The following ASCC1 variants were observed in gnomAD, a reference collection of about 807,000 sequenced individuals.
The protein encoded by ASCC1 is activating signal cointegrator 1 complex subunit 1.
ASCC1 carries 35 observed loss-of-function variants against 46.6 expected under a neutral mutation model. The ratio of observed to expected loss-of-function variants is 0.75; its 90% CI spans 0.57 to 0.99. The LOEUF (loss-of-function observed/expected upper bound fraction) is 0.99. Ranked by LOEUF, ASCC1 falls within the 50% of genes least tolerant of loss-of-function variation. The probability of loss-of-function intolerance (pLI) is 0.00; values close to 1 mark genes in which losing one functional copy is unlikely to be tolerated. For missense variants in ASCC1, 376 were observed against 428.7 expected (o/e 0.88, Z 1.09); for synonymous variants, 143 against 146.6 (o/e 0.98, Z 0.18).
rs984744675 is a variant in ASCC1, at chr10:72,133,371, T to G, written c.747-190A>C. The G allele has an allele frequency of 1.5e-5, 9 of 608,610 alleles. No homozygotes were observed. In the Admixed American group the frequency reaches 2.4e-4, roughly 16 times the overall value. The allele number at this position is 608,610 out of a possible 1,614,324, so 37.7% of individuals were successfully genotyped here. On this transcript the variant is annotated intron_variant, in intron 7 of 9. Coordinates refer to ENST00000672957, the MANE Select transcript of ASCC1 (RefSeq NM_001198800.3). ...TAAAGATCAGTCTTGTTTGTCTGCT[T>G]AACAGATAGTAGAAATAAATGATGG... is the stretch of plus-strand genomic sequence containing the variant.
intron 9 of ASCC1, among the ~76,000 whole-genome samples, chr10:72,100,243 T>C (rs1002870816): frequency 6.6e-6 from 1 of 151,176 alleles, no homozygotes. Context: ...TTTTTTTTTT[T>C]AGACGGACTC....
At chr10:72,134,393 C>CA (rs1845949417) in intron 7 of ASCC1, 1 of 152,222 alleles carries the variant, frequency 6.6e-6, no homozygotes, top group African/African-American at 2.4e-5. Context: ...GTGATTGTGC[C>CA]ACTGCACTCT....
intron 7 of ASCC1, among the ~76,000 whole-genome samples, chr10:72,152,200 T>G (rs1451466825): frequency 4.0e-5 from 6 of 151,008 alleles, no homozygotes; most frequent in East Asian, 1.9e-4. Flanking sequence ...TTTGTGTTTT[T>G]TTTTTGTATA....
intron 5 of ASCC1, among the ~76,000 whole-genome samples, chr10:72,188,175 G>C (rs1853802442): frequency 7.0e-6 from 1 of 142,378 alleles, no homozygotes; most frequent in Admixed American, 7.3e-5. Flanking sequence ...CTGGAGTGCA[G>C]TGGCATGATT....
chr10:72,102,415 GT>G, intron 9 of ASCC1: 1 of 1,549,314 alleles, frequency 6.5e-7, no homozygotes, highest in Non-Finnish European at 8.7e-7. Flanking sequence ...AGAGACACCT[GT>G]AGCACAGTTA....
intron 1 of ASCC1, among the ~76,000 whole-genome samples, chr10:72,215,141 G>A (rs1424961775): frequency 6.6e-6 from 1 of 152,328 alleles, no homozygotes; most frequent in South Asian, 2.1e-4. Flanking sequence ...GGTGGCTCAC[G>A]TCTGTAATCC....
intron 5 of ASCC1, among the ~76,000 whole-genome samples, chr10:72,172,792 ATATAT>A (rs1024482822): frequency 7.5e-6 from 1 of 133,262 alleles, no homozygotes; most frequent in Non-Finnish European, 1.6e-5. Flanking sequence ...ATTATATATT[ATATAT>A]TATATTTTTA....
intron 7 of ASCC1, among the ~76,000 whole-genome samples, chr10:72,149,437 CAAAAAAAAAAAAAAAA>C (rs11297879): frequency 1.9e-5 from 1 of 52,702 alleles, no homozygotes; most frequent in Non-Finnish European, 3.7e-5. Flanking sequence ...GACTCCGTCA[CAAAAAAAAAAAAAAAA>C]AAAAAAAAAA....
At chr10:72,187,765 C>T (rs548844373) in intron 5 of ASCC1, among the ~76,000 whole-genome samples, 98 of 131,864 alleles carry the variant, frequency 7.4e-4, no homozygotes, top group Non-Finnish European at 1.2e-3. Context: ...ATACAAAAAT[C>T]AACCAGGTGT....
chr10:72,192,403 C>T (rs1332079230), intron 5 of ASCC1, among the ~76,000 whole-genome samples: 1 of 146,290 alleles, frequency 6.8e-6, no homozygotes, highest in Non-Finnish European at 1.5e-5. Context: ...TGCAGTGAGC[C>T]AAGATCGAGC....
intron 6 of ASCC1, among the ~76,000 whole-genome samples, chr10:72,158,186 G>A (rs185188244): frequency 1.4e-4 from 22 of 152,322 alleles, no homozygotes; most frequent in Admixed American, 4.6e-4. Flanking sequence ...TGGTTTGCCC[G>A]ATAAACACTC....
chr10:72,171,658 C>A (rs1851101930), intron 5 of ASCC1, among the ~76,000 whole-genome samples: 2 of 152,200 alleles, frequency 1.3e-5, no homozygotes, highest in African/African-American at 4.8e-5. Flanking sequence ...CTCAAGTGAT[C>A]TGCCCACCTC....
rs777367368 is a variant in ASCC1 at position 72,138,584 on chromosome 10, T to TGATC, written c.747-5404_747-5403insGATC. On this transcript the variant is annotated intron_variant, in intron 7 of 9. Transcript: ENST00000672957. ...CTACAGGCAGCCTGTGCTGTTTCCT[T>TGATC]TTTCTTTCTTTCTTTCTTTTTTTTT... Among the ~76,000 whole-genome samples the TGATC allele has an allele frequency of 3.0e-3, 456 of 150,314 alleles. 5 individuals carry two copies. Among genetic ancestry groups the TGATC allele is most frequent in the South Asian group, 0.011 (55 of 4,792 alleles).
At chr10:72,154,720 G>A (rs1000909281) in intron 6 of ASCC1, among the ~76,000 whole-genome samples, 4 of 152,032 alleles carry the variant, frequency 2.6e-5, no homozygotes, top group African/African-American at 9.7e-5. Flanking sequence ...TTGAACTCCT[G>A]GGCTGAAGAC....
At chr10:72,153,560 G>A (rs1369806658) in intron 6 of ASCC1, among the ~76,000 whole-genome samples, 2 of 151,888 alleles carry the variant, frequency 1.3e-5, no homozygotes, top group Admixed American at 6.6e-5. Context: ...CGAGTAGCTG[G>A]GACTACAGGC....
At chr10:72,147,012 T>G (rs1490191672) in intron 7 of ASCC1, among the ~76,000 whole-genome samples, 4 of 151,374 alleles carry the variant, frequency 2.6e-5, no homozygotes, top group Non-Finnish European at 5.9e-5. Flanking sequence ...TCTTGCAAAA[T>G]ATCTTGCACA....
At chr10:72,183,690 T>C (rs899455378) in intron 5 of ASCC1, among the ~76,000 whole-genome samples, 2 of 152,002 alleles carry the variant, frequency 1.3e-5, no homozygotes, top group Non-Finnish European at 2.9e-5. Context: ...AAAGAAACTA[T>C]AAATGCCAGA....
Position 72,128,099 on chromosome 10 carries a change from C to T in ASCC1, c.940G>A (p.Gly314Ser), listed in dbSNP as rs2132232650. ...YIFKERESFDGRNILKLFENF... is the reference protein window; with the variant it reads ...YIFKERESFDSRNILKLFENF... ...ATACTGACCTTTAAAATATTTCGGC[C>T]ATCAAATGATTCTCTTTCCTTGAAG... is the stretch of plus-strand genomic sequence containing the variant. Residue 314 changes from glycine (G) to serine (S), a missense_variant, in exon 9 of 10, where the codon GGC (glycine) becomes AGC (serine). Transcript: ENST00000672957. The T allele has an allele frequency of 1.2e-6, 2 of 1,613,900 alleles. No individual in the cohort carries two copies. The highest frequency in any genetic ancestry group is 1.7e-6 in the Non-Finnish European group (2 of 1,179,848).
chr10:72,211,249 GT>G (rs1858059169), intron 2 of ASCC1, among the ~76,000 whole-genome samples: 1 of 152,052 alleles, frequency 6.6e-6, no homozygotes, highest in South Asian at 2.1e-4. Context: ...GTTCTATTTT[GT>G]TAGTTATTGT....
Sources: gnomAD v4.1 joint callset for allele counts (sites outside exome capture counted in the v4.1 genomes callset) on GRCh38, gnomAD v4.1.1 for gene constraint, MANE v1.5 for transcripts, NCBI Gene and HGNC (gene_info 2026-07-23, HGNC 2026-07-21) for gene names.